The following C12orf76 variants were observed in gnomAD, a reference collection of about 807,000 sequenced individuals.
The protein encoded by C12orf76 is uncharacterized protein C12orf76.
In C12orf76, 6 loss-of-function variants were observed where a neutral mutation model predicts 6.8. That is an observed-to-expected ratio of 0.88 (90% CI 0.48 to 1.73). C12orf76 has a LOEUF of 1.73. Among genes scored for constraint, C12orf76 ranks in the 40% most tolerant of loss-of-function variants. C12orf76 has a pLI of 0.01. For synonymous variants in C12orf76, 56 were observed against 43.7 expected, an observed-to-expected ratio of 1.28 and a Z score of -1.11; for missense variants, 99 against 98.2, an observed-to-expected ratio of 1.01 and a Z score of -0.03.
chr12:110,046,551 C>T (rs1407653441), intron 1 of C12orf76, among the ~76,000 whole-genome samples: 1 of 152,240 alleles, frequency 6.6e-6, no homozygotes, highest in African/African-American at 2.4e-5. Context: ...CCCTACTGTG[C>T]ATGACTAATA....
At chr12:110,051,904 CTTTTTTTT>C (rs567991255), upstream of C12orf76, among the ~76,000 whole-genome samples, 158 of 100,680 alleles carry the variant, frequency 1.6e-3, 1 homozygote, top group African/African-American at 5.3e-3. Flanking sequence ...GGCAGCTACT[CTTTTTTTT>C]TTTTTTTTTT....
chr12:110,060,144 T>C lies in C12orf76; in HGVS notation n.381-981A>G, dbSNP rs542556292. The stretch of plus-strand genomic sequence containing the variant: ...AGAAAGCTGAGGCAGGAGAATAGCT[T>C]GAACCCCAGAGGCGGAGGTTGCGGT... On this transcript the variant is annotated intron_variant and non_coding_transcript_variant, in intron 2 of 4. Transcript: ENST00000309050. Among the ~76,000 whole-genome samples, 25 of 152,288 alleles carry C rather than the reference T, an allele frequency of 1.6e-4. No homozygotes were observed. In the East Asian group the frequency reaches 4.4e-3, roughly 27 times the overall value.
upstream of C12orf76, chr12:110,051,387 G>C: frequency 1.6e-6 from 1 of 642,110 alleles, no homozygotes; most frequent in East Asian, 2.7e-5. Flanking sequence ...CCAGTATCTG[G>C]CACATACTGA....
At chr12:110,069,966 T>G (rs1282624260), upstream of C12orf76, among the ~76,000 whole-genome samples, 1 of 152,174 alleles carries the variant, frequency 6.6e-6, no homozygotes, top group Non-Finnish European at 1.5e-5. Flanking sequence ...TAAAAAATTG[T>G]GGGCTGGGCA....
chr12:110,062,149 A>G (rs973951359), intron 2 of C12orf76, among the ~76,000 whole-genome samples: 136 of 152,244 alleles, frequency 8.9e-4, no homozygotes, highest in African/African-American at 3.2e-3. Context: ...CTGTAATCCC[A>G]GCTACTTAGG....
exon 4 of C12orf76, chr12:110,057,222 G>A: frequency 6.2e-7 from 1 of 1,614,000 alleles, no homozygotes; most frequent in Non-Finnish European, 8.5e-7. Context: ...CCCCATGCCA[G>A]CATGGTTAGA....
intron 2 of C12orf76, among the ~76,000 whole-genome samples, chr12:110,062,671 G>A (rs1200907332): frequency 2.0e-5 from 3 of 150,896 alleles, no homozygotes; most frequent in Non-Finnish European, 4.4e-5. Flanking sequence ...CTAGGCTGGA[G>A]TCTAGTGGCA....
chr12:110,065,589 A>C lies in C12orf76; in HGVS notation n.380+271T>G, dbSNP rs570100584. On this transcript the variant is annotated intron_variant and non_coding_transcript_variant, in intron 2 of 4. Transcript: ENST00000309050. ...CAAAACACATCCCAGCTTTGTCCACATCTCTCTGGCTCCACCATCCCATTC... is the reference window on the plus strand; with the variant it reads ...CAAAACACATCCCAGCTTTGTCCACCTCTCTCTGGCTCCACCATCCCATTC... Among the ~76,000 whole-genome samples the C allele has an allele frequency of 3.3e-5, 5 of 152,012 alleles. No homozygotes were observed. In the South Asian group the frequency reaches 1.0e-3, roughly 32 times the overall value.
chr12:110,064,779 T>C (rs189450745), intron 2 of C12orf76, among the ~76,000 whole-genome samples: 43 of 152,098 alleles, frequency 2.8e-4, no homozygotes, highest in African/African-American at 9.9e-4. Context: ...CCAGACAAAT[T>C]GCTCCTTCCT....
chr12:110,065,934 C>T, exon 2 of C12orf76: 2 of 1,613,962 alleles, frequency 1.2e-6, no homozygotes, highest in East Asian at 2.2e-5. Context: ...TTCTCTTGGT[C>T]CCGTGTATCA....
exon 1 of C12orf76, chr12:110,067,509 C>A (rs1892886487): frequency 1.3e-5 from 13 of 985,444 alleles, no homozygotes; most frequent in Non-Finnish European, 1.6e-5. Context: ...TTCCTTTTCC[C>A]ATTTTGTCTG....
At chr12:110,047,681 G>A (rs1247359693) in intron 1 of C12orf76, among the ~76,000 whole-genome samples, 1 of 151,580 alleles carries the variant, frequency 6.6e-6, no homozygotes, top group Non-Finnish European at 1.5e-5. Flanking sequence ...AGACACTATT[G>A]TAAAAGAAAA....
At chr12:110,070,917 G>A (rs1892954156), upstream of C12orf76, among the ~76,000 whole-genome samples, 1 of 152,086 alleles carries the variant, frequency 6.6e-6, no homozygotes, top group Admixed American at 6.6e-5. Context: ...TGGAATTATA[G>A]ACACACACTA....
upstream of C12orf76, chr12:110,049,664 A>C (rs1305114726): frequency 6.6e-6 from 1 of 152,218 alleles, no homozygotes; most frequent in Non-Finnish European, 1.5e-5. Context: ...GTCATCAGTT[A>C]AGGCTATTTT....
chr12:110,061,083 C>CAA (rs34382276), intron 2 of C12orf76, among the ~76,000 whole-genome samples: 113 of 84,278 alleles, frequency 1.3e-3, no homozygotes, highest in Middle Eastern at 8.1e-3. Context: ...GACTCTGACT[C>CAA]AAAAAAAAAA....
At chr12:110,049,835 T>C (rs1892545896), upstream of C12orf76, 1 of 152,176 alleles carries the variant, frequency 6.6e-6, no homozygotes, top group South Asian at 2.1e-4. Flanking sequence ...TTCCAGACAT[T>C]GTATAGAAGA....
upstream of C12orf76, among the ~76,000 whole-genome samples, chr12:110,068,304 G>GAAGAAGAAGA (rs1892911949): frequency 6.8e-6 from 1 of 146,708 alleles, no homozygotes; most frequent in Non-Finnish European, 1.5e-5. Flanking sequence ...AGAAGAAGAA[G>GAAGAAGAAGA]AAGAAGAAGA....
exon 4 of C12orf76, chr12:110,057,216 A>G (rs1440141436): frequency 1.9e-6 from 3 of 1,613,996 alleles, no homozygotes; most frequent in Admixed American, 1.7e-5. Context: ...GATGGGCCCC[A>G]TGCCAGCATG....
intron 3 of C12orf76, among the ~76,000 whole-genome samples, chr12:110,057,776 G>A (rs1892695021): frequency 6.6e-6 from 1 of 151,874 alleles, no homozygotes; most frequent in South Asian, 2.1e-4. Flanking sequence ...TATAAATTAA[G>A]ATCCCAGCTG....
Sources: allele counts gnomAD v4.1 joint callset (sites outside exome capture counted in the v4.1 genomes callset), GRCh38; gene constraint gnomAD v4.1.1; transcripts MANE v1.5; gene names NCBI Gene and HGNC (gene_info 2026-07-23, HGNC 2026-07-21).